Variants in ARB2A observed in about 807,000 individuals in gnomAD.
The protein encoded by ARB2A is cotranscriptional regulator ARB2A.
chr5:93,813,798 G>A, the ARB2A span, among the ~76,000 whole-genome samples: 3 of 152,048 alleles, frequency 2.0e-5, no homozygotes, highest in African/African-American at 4.8e-5. Flanking sequence ...TTTGTTATAG[G>A]AGCCCAAAAT....
chr5:93,997,795 T>C, the ARB2A span, among the ~76,000 whole-genome samples: 2 of 152,042 alleles, frequency 1.3e-5, no homozygotes, highest in Non-Finnish European at 2.9e-5. Context: ...TGACAGTCCA[T>C]GACTTATACT....
the ARB2A span, among the ~76,000 whole-genome samples, chr5:93,891,666 C>T: frequency 6.6e-6 from 1 of 151,912 alleles, no homozygotes; most frequent in African/African-American, 2.4e-5. Flanking sequence ...AGAAAAGAAA[C>T]CTTATTATGA....
the ARB2A span, among the ~76,000 whole-genome samples, chr5:93,994,242 T>C: frequency 6.6e-6 from 1 of 152,114 alleles, no homozygotes; most frequent in Non-Finnish European, 1.5e-5. Flanking sequence ...TTATGCACAA[T>C]AGCCAAGATA....
chr5:93,735,381 C>T, the ARB2A span: 2 of 152,240 alleles, frequency 1.3e-5, no homozygotes, highest in Non-Finnish European at 2.9e-5. Flanking sequence ...GCAGCTGTGT[C>T]AATGATGCAG....
chr5:94,052,613 A>G, the ARB2A span, among the ~76,000 whole-genome samples: 6 of 152,228 alleles, frequency 3.9e-5, no homozygotes, highest in Admixed American at 3.9e-4. Flanking sequence ...TGCAATCTAC[A>G]GTATGTTCCT....
chr5:93,702,410 T>G, the ARB2A span, among the ~76,000 whole-genome samples: 1 of 152,146 alleles, frequency 6.6e-6, no homozygotes, highest in Admixed American at 6.5e-5. Context: ...GCCTACTGAA[T>G]TTTTATCCTA....
the ARB2A span, among the ~76,000 whole-genome samples, chr5:93,759,935 C>T: frequency 7.2e-5 from 11 of 152,070 alleles, no homozygotes; most frequent in Non-Finnish European, 1.3e-4. Context: ...ACATCCAAAT[C>T]GGTAAAGAGG....
At chr5:93,993,219 T>A in the ARB2A span, among the ~76,000 whole-genome samples, 1 of 152,150 alleles carries the variant, frequency 6.6e-6, no homozygotes, top group South Asian at 2.1e-4. Flanking sequence ...CTGAAAGCTA[T>A]TTTATTATAT....
At chr5:93,656,212 T>C in the ARB2A span, among the ~76,000 whole-genome samples, 2 of 152,194 alleles carry the variant, frequency 1.3e-5, no homozygotes, top group Non-Finnish European at 2.9e-5. Context: ...TCAAATGTTA[T>C]ATTTTCCAGA....
chr5:94,054,867 A>T, the ARB2A span, among the ~76,000 whole-genome samples: 1 of 152,160 alleles, frequency 6.6e-6, no homozygotes, highest in African/African-American at 2.4e-5. Flanking sequence ...CCAATACTAC[A>T]TCATTCATTT....
chr5:93,833,277 T>C, the ARB2A span, among the ~76,000 whole-genome samples: 1 of 152,168 alleles, frequency 6.6e-6, no homozygotes, highest in African/African-American at 2.4e-5. Flanking sequence ...AATGATACTG[T>C]GGACAAAATA....
At chr5:93,812,362 A>C in the ARB2A span, among the ~76,000 whole-genome samples, 1 of 152,008 alleles carries the variant, frequency 6.6e-6, no homozygotes, top group African/African-American at 2.4e-5. Flanking sequence ...ACATTATTTT[A>C]TTTTCACAAT....
the ARB2A span, among the ~76,000 whole-genome samples, chr5:93,644,609 T>G: frequency 6.6e-6 from 1 of 152,202 alleles, no homozygotes; most frequent in Non-Finnish European, 1.5e-5. Flanking sequence ...AAACAGAATA[T>G]AAAGTATTAA....
the ARB2A span, chr5:94,056,034 A>C: frequency 1.7e-6 from 1 of 603,240 alleles, no homozygotes; most frequent in South Asian, 7.3e-5. Flanking sequence ...TCTTTCAGAC[A>C]AGAAAATGAA....
At chr5:93,880,414 A>G in the ARB2A span, among the ~76,000 whole-genome samples, 24 of 151,894 alleles carry the variant, frequency 1.6e-4, no homozygotes, top group Admixed American at 4.6e-4. Context: ...TATTTCCCCT[A>G]AAAGGTAGTA....
the ARB2A span, chr5:93,741,427 A>G: frequency 1.1e-5 from 18 of 1,613,296 alleles, no homozygotes; most frequent in Admixed American, 1.7e-5. Flanking sequence ...TGCCGGCCAG[A>G]CCATCACCCT....
the ARB2A span, among the ~76,000 whole-genome samples, chr5:93,964,138 A>T: frequency 6.6e-6 from 1 of 152,078 alleles, no homozygotes; most frequent in Non-Finnish European, 1.5e-5. Context: ...TTTACTACAA[A>T]TAAATAAAAA....
chr5:93,773,945 T>A, the ARB2A span, among the ~76,000 whole-genome samples: 24 of 152,186 alleles, frequency 1.6e-4, no homozygotes, highest in South Asian at 4.2e-4. Context: ...TATTAAAAAA[T>A]TTTTTTTGGA....
At chr5:93,682,242 T>TAAAAAA in the ARB2A span, among the ~76,000 whole-genome samples, 2 of 136,542 alleles carry the variant, frequency 1.5e-5, no homozygotes, top group Non-Finnish European at 3.2e-5. Flanking sequence ...CAGTCTAACT[T>TAAAAAA]AAAAAAAAAA....
Sources: allele counts gnomAD v4.1 joint callset (sites outside exome capture counted in the v4.1 genomes callset), GRCh38; gene constraint gnomAD v4.1.1; transcripts MANE v1.5; gene names NCBI Gene and HGNC (gene_info 2026-07-23, HGNC 2026-07-21).